TCF7L2: variants seen among roughly 807,000 people sequenced by gnomAD.
TCF7L2 encodes transcription factor 7 like 2.
A neutral mutation model predicts 77.9 loss-of-function variants in TCF7L2; 23 were observed. The observed-to-expected ratio is 0.30, with a 90% confidence interval of 0.21 to 0.42. The LOEUF is 0.42. Among genes scored for constraint, TCF7L2 ranks in the 10% least tolerant of loss-of-function variants. The pLI is 1.00. For synonymous variants in TCF7L2, 413 were observed against 340.2 expected (o/e 1.21, Z -2.36); for missense variants, 654 against 793.1 (o/e 0.82, Z 2.11).
At chr10:113,096,048 A>G (rs2060933194) in intron 5 of TCF7L2, among the ~76,000 whole-genome samples, 1 of 152,160 alleles carries the variant, frequency 6.6e-6, no homozygotes, top group Admixed American at 6.5e-5. Flanking sequence ...CTGTGAGGTG[A>G]CAGGTCAGTT....
At chr10:113,005,119 G>A (rs140235922) in intron 4 of TCF7L2, among the ~76,000 whole-genome samples, 5 of 152,204 alleles carry the variant, frequency 3.3e-5, no homozygotes, top group African/African-American at 1.2e-4. Context: ...CACCTAGCAC[G>A]TGTTGGGTCA....
chr10:113,045,541 G>C (rs1285047054), intron 5 of TCF7L2, among the ~76,000 whole-genome samples: 1 of 152,140 alleles, frequency 6.6e-6, no homozygotes, highest in Non-Finnish European at 1.5e-5. Context: ...CATGGCTGGA[G>C]GAGGCCTGCT....
chr10:112,956,409 G>T (rs2033639878), intron 3 of TCF7L2, among the ~76,000 whole-genome samples: 1 of 141,508 alleles, frequency 7.1e-6, no homozygotes, highest in Non-Finnish European at 1.5e-5. Context: ...TTCCAGGGAA[G>T]TAAGTGTAAG....
chr10:113,019,891 T>G (rs927928428), intron 4 of TCF7L2, among the ~76,000 whole-genome samples: 1 of 152,070 alleles, frequency 6.6e-6, no homozygotes, highest in African/African-American at 2.4e-5. Context: ...TTAAGTGCAG[T>G]GATACGGATG....
At chr10:113,089,328 C>T in intron 5 of TCF7L2, 1 of 1,519,658 alleles carries the variant, frequency 6.6e-7, no homozygotes, top group Middle Eastern at 2.3e-4. Context: ...AGGCTGGGGG[C>T]TGTGTGTGCC....
intron 5 of TCF7L2, among the ~76,000 whole-genome samples, chr10:113,070,834 G>C (rs550928862): frequency 6.6e-6 from 1 of 152,278 alleles, no homozygotes; most frequent in East Asian, 1.9e-4. Context: ...ATGCAATTCA[G>C]TGGTTGTAGT....
chr10:113,005,710 G>C (rs79369780), intron 4 of TCF7L2, among the ~76,000 whole-genome samples: 25 of 152,246 alleles, frequency 1.6e-4, no homozygotes, highest in African/African-American at 3.4e-4. Flanking sequence ...GGTTGGCTGG[G>C]GGGGAGGAGG....
chr10:113,137,084 G>T (rs1434947339), intron 5 of TCF7L2, among the ~76,000 whole-genome samples: 2 of 151,644 alleles, frequency 1.3e-5, no homozygotes, highest in East Asian at 3.9e-4. Flanking sequence ...ATAGTAAAGT[G>T]ATGACTTTTC....
chr10:113,079,553 G>C (rs1396672672), intron 5 of TCF7L2, among the ~76,000 whole-genome samples: 1 of 152,132 alleles, frequency 6.6e-6, no homozygotes, highest in African/African-American at 2.4e-5. Context: ...CAAAGTGGGG[G>C]GAACCCTCAA....
At chr10:113,095,547 G>T (rs1383218878) in intron 5 of TCF7L2, among the ~76,000 whole-genome samples, 1 of 152,038 alleles carries the variant, frequency 6.6e-6, no homozygotes, top group Non-Finnish European at 1.5e-5. Flanking sequence ...CCTCAGTGAG[G>T]TCATATTCCC....
At chr10:113,106,120 G>T (rs1336006975) in intron 5 of TCF7L2, among the ~76,000 whole-genome samples, 6 of 152,118 alleles carry the variant, frequency 3.9e-5, no homozygotes, top group Non-Finnish European at 7.4e-5. Flanking sequence ...TCAGGGAAAT[G>T]GACCTGAGTG....
rs1266729696 is a variant in TCF7L2, at chr10:113,151,655, G to C, written c.1002-70G>C. ...TGGGGGTTATGAGACAAGGAGATAC[G>C]TTCCCTGCCATGGAGGAAGTTGGAC... On this transcript the variant is annotated intron_variant, in intron 9 of 13. Coordinates refer to ENST00000627217, the MANE Select transcript of TCF7L2 (RefSeq NM_001146274.2). This position sits in a 1 kb window ranked among gnomAD's most constrained non-coding sequence, Gnocchi z 5.2. 6.6e-7 allele frequency: 1 copy of C among 1,512,836 alleles called. No homozygotes were observed. The highest frequency in any genetic ancestry group is 2.4e-5 in the Admixed American group (1 of 42,310). 93.7% of individuals were successfully genotyped at this position (1,512,836 alleles called of 1,614,324 possible). A position where few individuals can be genotyped will look rare whatever the true frequency, so the allele number is the denominator to read the frequency against.
intron 5 of TCF7L2, among the ~76,000 whole-genome samples, chr10:113,136,620 C>T (rs992263213): frequency 2.6e-5 from 4 of 152,194 alleles, no homozygotes; most frequent in South Asian, 2.1e-4. Context: ...AAATAGTTCC[C>T]GAAAGGAACC....
chr10:113,149,404 A>G (rs1212177128), intron 8 of TCF7L2, among the ~76,000 whole-genome samples: 2 of 152,220 alleles, frequency 1.3e-5, no homozygotes, highest in Non-Finnish European at 2.9e-5. Context: ...TTAAATTTGT[A>G]AAGGCAGTGG....
intron 6 of TCF7L2, among the ~76,000 whole-genome samples, chr10:113,142,374 C>T (rs142907119): frequency 2.4e-3 from 358 of 152,278 alleles, no homozygotes; most frequent in African/African-American, 7.9e-3. Context: ...ACTTGTAGCT[C>T]TCCTCCAACA....
At chr10:112,985,511 T>C (rs2041314760) in intron 4 of TCF7L2, among the ~76,000 whole-genome samples, 1 of 152,204 alleles carries the variant, frequency 6.6e-6, no homozygotes, top group Admixed American at 6.5e-5. Context: ...CTGGCCTAAG[T>C]CCAGAAACAA....
Position 113,047,787 on chromosome 10 carries a change from T to C in TCF7L2, c.552+7661T>C, listed in dbSNP as rs145132700. ...ACTTGTCAAAGATGCCGTTGGCTCC[T>C]GTGATTAAGGTCAGCCCACAATGAA... On this transcript the variant is annotated intron_variant, in intron 5 of 13. Coordinates refer to ENST00000627217, the MANE Select transcript of TCF7L2 (RefSeq NM_001146274.2). 9.2e-3 allele frequency among the ~76,000 whole-genome samples: 1,396 copies of C among 152,284 alleles called. 8 individuals are homozygous for C. The highest frequency in any genetic ancestry group is 0.015 in the Non-Finnish European group (1,010 of 68,024).
intron 5 of TCF7L2, among the ~76,000 whole-genome samples, chr10:113,054,737 T>A (rs2055059469): frequency 6.6e-6 from 1 of 151,406 alleles, no homozygotes; most frequent in African/African-American, 2.5e-5. Flanking sequence ...TTTATACTTT[T>A]CGACATCTAT....
intron 4 of TCF7L2, among the ~76,000 whole-genome samples, chr10:113,025,880 A>ATT (rs369613114): frequency 1.1e-3 from 164 of 143,562 alleles, no homozygotes; most frequent in Non-Finnish European, 2.0e-3. Context: ...TTTTAAGTTA[A>ATT]TTTTTTTTTT....
Sources: gnomAD v4.1 joint callset for allele counts (sites outside exome capture counted in the v4.1 genomes callset) on GRCh38, gnomAD v4.1.1 for gene constraint, Gnocchi (gnomAD v3.1) non-coding constraint, MANE v1.5 for transcripts, NCBI Gene and HGNC (gene_info 2026-07-23, HGNC 2026-07-21) for gene names.